The following TEF variants were observed in gnomAD, a reference collection of about 807,000 sequenced individuals.
TEF encodes the protein TEF transcription factor, PAR bZIP family member.
In TEF, 3 loss-of-function variants were observed where a neutral mutation model predicts 20.8. That is an observed-to-expected ratio of 0.14 (90% CI 0.07 to 0.37). The LOEUF (loss-of-function observed/expected upper bound fraction) is 0.37. Ranked by LOEUF, TEF falls within the 10% of genes least tolerant of loss-of-function variation. TEF has a pLI of 1.00. For missense variants in TEF, 296 were observed against 397.9 expected (o/e 0.74, Z 2.18); for synonymous variants, 180 against 171.1 (o/e 1.05, Z -0.41).
chr22:41,391,219 G>C (rs1357964042), intron 2 of TEF, among the ~76,000 whole-genome samples: 1 of 152,114 alleles, frequency 6.6e-6, no homozygotes, highest in Non-Finnish European at 1.5e-5. Context: ...CCCTCCAGGT[G>C]TTCTATCTCA....
exon 1 of TEF, chr22:41,367,499 T>C (rs1400621917): frequency 1.9e-6 from 3 of 1,547,468 alleles, no homozygotes; most frequent in Non-Finnish European, 1.7e-6. Flanking sequence ...TGCTGGGCTG[T>C]GTGAGCTGCG....
intron 1 of TEF, among the ~76,000 whole-genome samples, chr22:41,375,469 G>A (rs966179180): frequency 6.6e-5 from 10 of 152,064 alleles, no homozygotes; most frequent in Non-Finnish European, 1.0e-4. Flanking sequence ...CTCCAAATGC[G>A]GCCGGGCGTG....
chr22:41,367,646 G>A (rs1448065624), intron 1 of TEF: 2 of 1,533,142 alleles, frequency 1.3e-6, no homozygotes, highest in South Asian at 1.2e-5. Context: ...AGGTACTCGA[G>A]GGGGCGAGGG....
chr22:41,397,177 T>G lies in TEF; in HGVS notation c.*1217T>G, dbSNP rs1015069565. On this transcript the variant is annotated 3_prime_UTR_variant, in exon 4 of 4. Coordinates refer to ENST00000266304, the MANE Select transcript of TEF (RefSeq NM_003216.4). ...ACGGGATAGCAGGCTCTTGGGACTTTTACACAGGCCTAGGGTCCCCTCAGT... is the reference window on the plus strand; with the variant it reads ...ACGGGATAGCAGGCTCTTGGGACTTGTACACAGGCCTAGGGTCCCCTCAGT... 10 of 398,436 alleles carry G rather than the reference T, an allele frequency of 2.5e-5. No homozygotes were observed. The highest frequency in any genetic ancestry group is 4.4e-5 in the Non-Finnish European group (10 of 226,104). 24.7% of individuals were successfully genotyped at this position (398,436 alleles called of 1,614,324 possible).
At chr22:41,369,726 T>A (rs1421571496) in intron 1 of TEF, among the ~76,000 whole-genome samples, 1 of 152,174 alleles carries the variant, frequency 6.6e-6, no homozygotes, top group Non-Finnish European at 1.5e-5. Flanking sequence ...TGTACTTAAG[T>A]AGTTGTTGAA....
upstream of TEF, among the ~76,000 whole-genome samples, chr22:41,380,926 CTG>C (rs2037009160): frequency 6.6e-6 from 1 of 152,230 alleles, no homozygotes; most frequent in Non-Finnish European, 1.5e-5. Flanking sequence ...CTGTTTGGGA[CTG>C]TGGAGATTCT....
intron 1 of TEF, among the ~76,000 whole-genome samples, chr22:41,375,462 C>T (rs1018614387): frequency 8.5e-5 from 13 of 152,150 alleles, no homozygotes; most frequent in Admixed American, 8.5e-4. Context: ...ATTAATGCTC[C>T]AAATGCGGCC....
chr22:41,372,490 G>A (rs539404610), intron 1 of TEF, among the ~76,000 whole-genome samples: 2 of 152,216 alleles, frequency 1.3e-5, no homozygotes, highest in South Asian at 4.2e-4. Context: ...TCCACTCTAC[G>A]AATAAGGACA....
At chr22:41,373,496 G>A (rs2036906281) in intron 1 of TEF, among the ~76,000 whole-genome samples, 2 of 151,828 alleles carry the variant, frequency 1.3e-5, no homozygotes, top group African/African-American at 2.4e-5. Flanking sequence ...TTTAGACGGA[G>A]TCTCACTCTG....
At chr22:41,373,156 G>C (rs1335350278) in intron 1 of TEF, among the ~76,000 whole-genome samples, 1 of 152,204 alleles carries the variant, frequency 6.6e-6, no homozygotes, top group Non-Finnish European at 1.5e-5. Context: ...AGGAATTACA[G>C]TAGAGTTAAC....
intron 2 of TEF, among the ~76,000 whole-genome samples, chr22:41,392,898 G>A (rs971882654): frequency 4.0e-5 from 6 of 151,892 alleles, no homozygotes; most frequent in African/African-American, 1.2e-4. Flanking sequence ...CTAGCCAGGC[G>A]TGGTGGCTTA....
chr22:41,381,819 C>T, upstream of TEF: 2 of 1,157,718 alleles, frequency 1.7e-6, no homozygotes, highest in East Asian at 3.3e-5. Context: ...CTCTCGCAGG[C>T]TGGACCAATC....
intron 1 of TEF, among the ~76,000 whole-genome samples, chr22:41,374,907 T>C (rs2036922123): frequency 6.6e-6 from 1 of 152,042 alleles, no homozygotes; most frequent in Non-Finnish European, 1.5e-5. Context: ...CAGGCAAATT[T>C]AGTGTAACTT....
In TEF at chr22:41,382,090, GCAGGA is replaced by G; in HGVS notation, c.48_52del (p.Gly17ArgfsTer36). 8.1e-7 allele frequency: 1 copy of G among 1,232,166 alleles called. No homozygotes were observed. The highest frequency in any genetic ancestry group is 1.0e-6 in the Non-Finnish European group (1 of 987,780). 76.3% of individuals were successfully genotyped at this position (1,232,166 alleles called of 1,614,324 possible). On this transcript the variant is annotated frameshift_variant, in exon 1 of 4. Coordinates refer to ENST00000266304, the MANE Select transcript of TEF (RefSeq NM_003216.4). LOFTEE classifies it high-confidence loss of function. Reference sequence around the variant, plus strand: ...AAAGAAGCCGCCTGTGGACCCGCAGGCAGGACCCGGTCCGGGGCCGGGGCGCGCAG... The same window carrying G: ...AAAGAAGCCGCCTGTGGACCCGCAGGCCCGGTCCGGGGCCGGGGCGCGCAG...
Position 41,382,221 on chromosome 22 carries a change from C to T in TEF, c.157+20C>T. 8.2e-7 allele frequency: 1 copy of T among 1,224,892 alleles called. No homozygotes were observed. Among genetic ancestry groups the T allele is most frequent in the Non-Finnish European group, 1.0e-6 (1 of 983,628 alleles). 75.9% of individuals were successfully genotyped at this position (1,224,892 alleles called of 1,614,324 possible). On this transcript the variant is annotated intron_variant, in intron 1 of 3. Coordinates refer to ENST00000266304, the MANE Select transcript of TEF (RefSeq NM_003216.4). ...GCCTCGGTGAGGGCGGGGGGGTGGTCCGCGCGGGCTGGGGGCGGGGCTTAT... is the reference window on the plus strand; with the variant it reads ...GCCTCGGTGAGGGCGGGGGGGTGGTTCGCGCGGGCTGGGGGCGGGGCTTAT...
At chr22:41,388,643 G>C (rs1284855648) in intron 2 of TEF, among the ~76,000 whole-genome samples, 1 of 151,148 alleles carries the variant, frequency 6.6e-6, no homozygotes, top group African/African-American at 2.4e-5. Context: ...TTCAGAGTCT[G>C]TCCTTATTCC....
intron 1 of TEF, among the ~76,000 whole-genome samples, chr22:41,383,603 AC>A (rs2037061685): frequency 1.3e-5 from 2 of 152,168 alleles, no homozygotes; most frequent in Non-Finnish European, 2.9e-5. Context: ...CACAGCTATA[AC>A]TTTTGACCCT....
At chr22:41,370,209 G>A (rs1365354425) in intron 1 of TEF, 1 of 593,180 alleles carries the variant, frequency 1.7e-6, no homozygotes, top group Non-Finnish European at 2.1e-6. Flanking sequence ...CTGCCTCCTG[G>A]GTTCAAGCAA....
At chr22:41,380,537 G>A (rs1450188250), upstream of TEF, among the ~76,000 whole-genome samples, 1 of 152,146 alleles carries the variant, frequency 6.6e-6, no homozygotes, top group Non-Finnish European at 1.5e-5. Context: ...CCTGAACCAA[G>A]GACTATCACT....
Sources: gnomAD v4.1 joint callset for allele counts (sites outside exome capture counted in the v4.1 genomes callset) on GRCh38, gnomAD v4.1.1 for gene constraint, MANE v1.5 for transcripts, NCBI Gene and HGNC (gene_info 2026-07-23, HGNC 2026-07-21) for gene names.